The following HIC2 variants were observed in gnomAD, a reference collection of about 807,000 sequenced individuals.
The protein encoded by HIC2 is HIC ZBTB transcriptional repressor 2.
A neutral mutation model predicts 39.5 loss-of-function variants in HIC2; 2 were observed. The ratio of observed to expected loss-of-function variants is 0.05; its 90% CI spans 0.02 to 0.16. The LOEUF (loss-of-function observed/expected upper bound fraction) is 0.16. Ranked by LOEUF, HIC2 falls within the 10% of genes least tolerant of loss-of-function variation. The pLI, the probability that HIC2 is intolerant of heterozygous loss-of-function variation, is 1.00. For synonymous variants in HIC2, 399 were observed against 368.8 expected (o/e 1.08, Z -0.94); for missense variants, 713 against 863.5 (o/e 0.83, Z 2.18).
intron 1 of HIC2, among the ~76,000 whole-genome samples, chr22:21,431,798 TAGTG>T (rs1332817487): frequency 1.6e-5 from 1 of 60,716 alleles, no homozygotes; most frequent in Non-Finnish European, 3.1e-5. Context: ...CTGGAAAACA[TAGTG>T]AGACCTCATC....
chr22:21,447,109 G>A lies in HIC2; in HGVS notation c.*366G>A, dbSNP rs986187319. ...CGCTGGCCACGGCCAGGGTGGTGTC[G>A]GGAGCAGGCCTCACCCCGCTGGCCG... On this transcript the variant is annotated 3_prime_UTR_variant, in exon 3 of 3. Coordinates refer to ENST00000407464, the MANE Select transcript of HIC2 (RefSeq NM_015094.3). The A allele has an allele frequency of 3.3e-5, 9 of 270,376 alleles. No homozygotes were observed. The highest frequency in any genetic ancestry group is 2.0e-4 in the African/African-American group (9 of 45,190). 16.7% of individuals were successfully genotyped at this position (270,376 alleles called of 1,614,324 possible).
In HIC2 at chr22:21,445,586, A is replaced by G. The variant is rs1198999062; in HGVS notation, c.691A>G (p.Ser231Gly). The G allele has an allele frequency of 1.3e-6, 2 of 1,581,180 alleles. No individual in the cohort carries two copies. Among genetic ancestry groups the G allele is most frequent in the East Asian group, 2.2e-5 (1 of 44,584 alleles). ...CGGGGAGGCGGGTCTGGGGGGCTGC[A>G]GCAGCAGCACCAACGGGAGCAGCGG... The part of the protein sequence containing the change: ...AGGEAGLGGC[S>G]SSTNGSSGGC... Residue 231 changes from serine (S) to glycine (G), a missense_variant, in exon 3 of 3, where the codon AGC becomes GGC. Ser to Gly is a moderately conservative substitution (Grantham distance 56). Around this residue, in one of 5 missense-constraint regions of HIC2, gnomAD observed 457 missense variants for 420.2 expected, o/e 1.09. Transcript: ENST00000407464.
In HIC2 at chr22:21,445,248, C is replaced by A. The variant is rs776463503; in HGVS notation, c.353C>A (p.Thr118Asn). 6.8e-6 allele frequency: 11 copies of A among 1,613,224 alleles called. No homozygotes were observed. The highest frequency in any genetic ancestry group is 9.3e-6 in the Non-Finnish European group (11 of 1,180,000). The change falls in exon 3 of 3, where the codon ACC (threonine) becomes AAC (asparagine). Residue 118 changes from threonine (T) to asparagine (N), a missense_variant. Thr to Asn is a moderately conservative substitution (Grantham distance 65). Around this residue, in one of 5 missense-constraint regions of HIC2, gnomAD observed 102 missense variants for 187.1 expected, o/e 0.55. Coordinates refer to ENST00000407464, the MANE Select transcript of HIC2 (RefSeq NM_015094.3). The stretch of plus-strand genomic sequence containing the variant: ...CAGCCAGCCGAGCCCAACTTCAGCA[C>A]CCTCCTCACTGCCGCCAGCTACCTC... ...SDQPAEPNFS[T>N]LLTAASYLQL...
chr22:21,424,617 CT>C (rs1419281668), intron 1 of HIC2, among the ~76,000 whole-genome samples: 1 of 17,538 alleles, frequency 5.7e-5, no homozygotes, highest in Non-Finnish European at 1.1e-4. Flanking sequence ...GGAAATGGCA[CT>C]TCCTTTTATT....
Position 21,446,533 on chromosome 22 carries a change from C to A in HIC2, c.1638C>A (p.Gly546=). 1 of 1,613,088 alleles carries A rather than the reference C, an allele frequency of 6.2e-7. No individual in the cohort carries two copies. Among genetic ancestry groups the A allele is most frequent in the Non-Finnish European group, 8.5e-7 (1 of 1,180,016 alleles). The stretch of plus-strand genomic sequence containing the variant: ...GTGGCAAAATGTTCACGCAGCGCGG[C>A]ACCATGACGCGTCACATGCGGAGCC... ...NICGKMFTQR[G]TMTRHMRSHL... Residue 546 remains glycine, a synonymous_variant, in exon 3 of 3, where the codon GGC becomes GGA. Coordinates refer to ENST00000407464, the MANE Select transcript of HIC2 (RefSeq NM_015094.3).
In HIC2 at chr22:21,446,396, G is replaced by A; in HGVS notation, c.1501G>A (p.Glu501Lys). Residue 501 changes from glutamate to lysine, a missense_variant, in exon 3 of 3, where the codon GAG becomes AAG. Transcript: ENST00000407464. ...LSAPSAAYTA[E>K]PRPFKCSVCE... ...AGCACCCAGTGCGGCCTACACGGCT[G>A]AGCCCCGGCCCTTCAAGTGTTCGGT... 8 of 1,612,270 alleles carry A rather than the reference G, an allele frequency of 5.0e-6. No individual in the cohort carries two copies. Among genetic ancestry groups the A allele is most frequent in the Non-Finnish European group, 6.8e-6 (8 of 1,180,020 alleles).
In HIC2 at chr22:21,444,885, AG is replaced by A. The variant is rs778214605; in HGVS notation, c.27-36del. 7 of 1,579,992 alleles carry A rather than the reference AG, an allele frequency of 4.4e-6. No individual in the cohort carries two copies. In the East Asian group the frequency reaches 1.3e-4, roughly 30 times the overall value. ...CCCAGAGCCCTGGTCCGAGTGTGCC[AG>A]TCATCTGACGCATGCGTGCCTGTTC... On this transcript the variant is annotated intron_variant, in intron 2 of 2. Coordinates refer to ENST00000407464, the MANE Select transcript of HIC2 (RefSeq NM_015094.3).
intron 2 of HIC2, among the ~76,000 whole-genome samples, chr22:21,444,514 C>T (rs749617418): frequency 1.5e-4 from 23 of 152,368 alleles, no homozygotes; most frequent in Admixed American, 5.9e-4. Flanking sequence ...ACGGAGTCCT[C>T]TGCTTCCCGA....
intron 1 of HIC2, among the ~76,000 whole-genome samples, chr22:21,425,745 C>A (rs1255057914): frequency 7.3e-6 from 1 of 137,138 alleles, no homozygotes; most frequent in African/African-American, 2.7e-5. Context: ...CGGAGTCTTT[C>A]CCTGTCGCCC....
chr22:21,445,037 G>A lies in HIC2; in HGVS notation c.142G>A (p.Val48Ile), dbSNP rs774610032. Residue 48 changes from valine to isoleucine, a missense_variant, in exon 3 of 3, where the codon GTC becomes ATC. By Grantham distance (29) the Val-to-Ile change is conservative. Coordinates refer to ENST00000407464, the MANE Select transcript of HIC2 (RefSeq NM_015094.3). ...QQRTKGFLCD[V>I]IIMVENSIFR... Reference sequence around the variant, plus strand: ...GAGGACCAAGGGCTTCCTGTGTGACGTCATCATCATGGTGGAGAACTCCAT... The same window carrying A: ...GAGGACCAAGGGCTTCCTGTGTGACATCATCATCATGGTGGAGAACTCCAT... 26 of 1,613,996 alleles carry A rather than the reference G, an allele frequency of 1.6e-5. No individual in the cohort carries two copies. In the South Asian group the frequency reaches 1.6e-4, roughly 10 times the overall value.
chr22:21,445,115 C>G lies in HIC2; in HGVS notation c.220C>G (p.Leu74Val). ...LAASSIYFKSLVLHDNLINLD... is the reference protein window; with the variant it reads ...LAASSIYFKSVVLHDNLINLD... ...CGCCAGCAGCATCTATTTCAAGTCC[C>G]TGGTCCTGCACGACAACCTCATCAA... Residue 74 changes from leucine (L) to valine (V), a missense_variant, in exon 3 of 3, where the codon CTG becomes GTG. Leu to Val is a conservative substitution (Grantham distance 32). This residue lies in a region of HIC2 where 102 missense variants were observed against 187.1 expected (regional missense o/e 0.55). Coordinates refer to ENST00000407464, the MANE Select transcript of HIC2 (RefSeq NM_015094.3). The G allele has an allele frequency of 6.2e-7, 1 of 1,614,202 alleles. No homozygotes were observed. The highest frequency in any genetic ancestry group is 8.5e-7 in the Non-Finnish European group (1 of 1,180,028).
Position 21,444,929 on chromosome 22 carries a change from G to A in HIC2, c.34G>A (p.Ala12Thr), listed in dbSNP as rs1171919349. Residue 12 changes from alanine (A) to threonine (T), a missense_variant, in exon 3 of 3, where the codon GCG becomes ACG. Physicochemically the swap from Ala to Thr is moderately conservative, Grantham distance 58 (BLOSUM62 0). This residue lies in a region of HIC2 where 102 missense variants were observed against 187.1 expected (regional missense o/e 0.55). Coordinates refer to ENST00000407464, the MANE Select transcript of HIC2 (RefSeq NM_015094.3). ...GCCTGTTCTTGCCCACAGGTGGTGCGCGTGGGCAGGGCGCGGGGACATGGG... is the reference window on the plus strand; with the variant it reads ...GCCTGTTCTTGCCCACAGGTGGTGCACGTGGGCAGGGCGCGGGGACATGGG... Reference protein sequence around the residue: ...VSGPLALRWCAWAGRGDMGPD... With the variant: ...VSGPLALRWCTWAGRGDMGPD... 29 of 1,610,474 alleles carry A rather than the reference G, an allele frequency of 1.8e-5. No individual in the cohort carries two copies. Among genetic ancestry groups the A allele is most frequent in the South Asian group, 5.5e-5 (5 of 90,968 alleles).
rs1924003375 is a variant in HIC2, at chr22:21,448,812, G to C, written c.*2069G>C. 2 of 152,710 alleles carry C rather than the reference G, an allele frequency of 1.3e-5. No individual in the cohort carries two copies. Among genetic ancestry groups the C allele is most frequent in the African/African-American group, 4.8e-5 (2 of 41,432 alleles). 9.5% of individuals were successfully genotyped at this position (152,710 alleles called of 1,614,324 possible). On this transcript the variant is annotated 3_prime_UTR_variant, in exon 3 of 3. Transcript: ENST00000407464. ...CTGGGTCTCAGGTTCCAGCAAGTCAGGCTAGGGACCTGGGGGGAGGAGACC... is the reference window on the plus strand; with the variant it reads ...CTGGGTCTCAGGTTCCAGCAAGTCACGCTAGGGACCTGGGGGGAGGAGACC...
rs372801043 is a variant in HIC2, at chr22:21,446,756, C to G, written c.*13C>G. On this transcript the variant is annotated 3_prime_UTR_variant, in exon 3 of 3. Coordinates refer to ENST00000407464, the MANE Select transcript of HIC2 (RefSeq NM_015094.3). ...CTCCCCCTCCTAGAAGCCAAAGACC[C>G]GCGGGCGCCCTCTGCCACCTTGCTC... 6.3e-7 allele frequency: 1 copy of G among 1,584,472 alleles called. No individual in the cohort carries two copies.
Position 21,447,501 on chromosome 22 carries a change from G to C in HIC2, c.*758G>C, listed in dbSNP as rs1235910537. On this transcript the variant is annotated 3_prime_UTR_variant, in exon 3 of 3. Transcript: ENST00000407464. ...GCGTCCCCCGGCTCTGGCGCTGCAGGGGTGTCGGCGCGCCACCTCTCCAGG... is the reference window on the plus strand; with the variant it reads ...GCGTCCCCCGGCTCTGGCGCTGCAGCGGTGTCGGCGCGCCACCTCTCCAGG... 6.5e-6 allele frequency: 1 copy of C among 152,750 alleles called. No homozygotes were observed. The highest frequency in any genetic ancestry group is 1.9e-4 in the East Asian group (1 of 5,274). The allele number at this position is 152,750 out of a possible 1,614,324, so 9.5% of individuals were successfully genotyped here. A position where few individuals can be genotyped will look rare whatever the true frequency, so the allele number is the denominator to read the frequency against.
At position 21,447,131 on chromosome 22, in the gene HIC2, G is replaced by T. The variant is rs1329388138; in HGVS notation, c.*388G>T. The T allele has an allele frequency of 1.7e-5, 4 of 241,378 alleles. No individual in the cohort carries two copies. The highest frequency in any genetic ancestry group is 9.1e-5 in the African/African-American group (4 of 44,100). 15.0% of individuals were successfully genotyped at this position (241,378 alleles called of 1,614,324 possible). A position where few individuals can be genotyped will look rare whatever the true frequency, so the allele number is the denominator to read the frequency against. ...GTCGGGAGCAGGCCTCACCCCGCTG[G>T]CCGTGTCTGTGTGTGTGCACGTGTG... On this transcript the variant is annotated 3_prime_UTR_variant, in exon 3 of 3. Coordinates refer to ENST00000407464, the MANE Select transcript of HIC2 (RefSeq NM_015094.3).
Position 21,446,167 on chromosome 22 carries a change from C to T in HIC2, c.1272C>T (p.His424=), listed in dbSNP as rs142451321. Residue 424 remains histidine (H), a synonymous_variant, in exon 3 of 3, where the codon CAC becomes CAT. Coordinates refer to ENST00000407464, the MANE Select transcript of HIC2 (RefSeq NM_015094.3). ...SEGGSGHASA[H]YMYRQEGYET... Reference sequence around the variant, plus strand: ...GGGGCAGCGGCCATGCCAGCGCCCACTACATGTACCGGCAGGAGGGCTACG... The same window carrying T: ...GGGGCAGCGGCCATGCCAGCGCCCATTACATGTACCGGCAGGAGGGCTACG... 1.8e-4 allele frequency: 295 copies of T among 1,610,160 alleles called. 1 individual carries two copies. The African/African-American group carries it at 3.2e-3, about 17-fold the overall frequency.
chr22:21,438,270 A>G (rs1165158546), intron 1 of HIC2, among the ~76,000 whole-genome samples: 1 of 152,130 alleles, frequency 6.6e-6, no homozygotes, highest in African/African-American at 2.4e-5. Flanking sequence ...CATGGCCTCC[A>G]GAAGGAGCCA....
chr22:21,445,397 G>T lies in HIC2; in HGVS notation c.502G>T (p.Ala168Ser). Reference protein sequence around the residue: ...RPPRSQRLSTASVIQARYQGL... With the variant: ...RPPRSQRLSTSSVIQARYQGL... Reference sequence around the variant, plus strand: ...CCCCCGCAGCCAGCGGCTGTCCACGGCCTCTGTCATCCAAGCTCGGTATCA... The same window carrying T: ...CCCCCGCAGCCAGCGGCTGTCCACGTCCTCTGTCATCCAAGCTCGGTATCA... Residue 168 changes from alanine (A) to serine (S), a missense_variant, in exon 3 of 3, where the codon GCC becomes TCC. Around this residue, in one of 5 missense-constraint regions of HIC2, gnomAD observed 457 missense variants for 420.2 expected, o/e 1.09. Transcript: ENST00000407464. The T allele has an allele frequency of 6.5e-7, 1 of 1,539,830 alleles. No homozygotes were observed. The highest frequency in any genetic ancestry group is 8.7e-7 in the Non-Finnish European group (1 of 1,145,736).
Sources: allele counts gnomAD v4.1 joint callset (sites outside exome capture counted in the v4.1 genomes callset), GRCh38; gene constraint gnomAD v4.1.1; regional missense constraint gnomAD v4.1.1; transcripts MANE v1.5; gene names NCBI Gene and HGNC (gene_info 2026-07-23, HGNC 2026-07-21).